Variants in SPTLC2 observed in about 807,000 individuals in gnomAD.
The protein encoded by SPTLC2 is serine palmitoyltransferase long chain base subunit 2, also known as serine palmitoyltransferase 2.
SPTLC2 carries 21 observed loss-of-function variants against 62.0 expected under a neutral mutation model. The ratio of observed to expected loss-of-function variants is 0.34; its 90% confidence interval spans 0.24 to 0.49. SPTLC2 has a LOEUF of 0.49. SPTLC2 is among the 20% of genes least tolerant of loss of function. The probability of loss-of-function intolerance (pLI) is 0.99; values close to 1 mark genes in which losing one functional copy is unlikely to be tolerated. For synonymous variants in SPTLC2, 261 were observed against 261.8 expected (o/e 1.00, Z 0.03); for missense variants, 511 against 713.0 (o/e 0.72, Z 3.23).
intron 5 of SPTLC2, among the ~76,000 whole-genome samples, chr14:77,565,637 G>GTAT (rs1184181605): frequency 6.6e-6 from 1 of 152,128 alleles, no homozygotes; most frequent in Non-Finnish European, 1.5e-5. Flanking sequence ...CCCTTCAGAA[G>GTAT]TATTAAGGTC....
intron 11 of SPTLC2, among the ~76,000 whole-genome samples, chr14:77,515,542 C>CTTTTTTTTT (rs71128633): frequency 3.2e-5 from 4 of 124,716 alleles, no homozygotes; most frequent in Non-Finnish European, 4.8e-5. Context: ...AAGGGAAAGG[C>CTTTTTTTTT]TTTTTTTTTT....
intron 4 of SPTLC2, among the ~76,000 whole-genome samples, chr14:77,575,732 C>A: frequency 6.6e-6 from 1 of 152,300 alleles, no homozygotes; most frequent in African/African-American, 2.4e-5. Flanking sequence ...CAGGTCTCAC[C>A]ATGTTGCTCA....
At chr14:77,594,897 T>C (rs1002940830) in intron 2 of SPTLC2, among the ~76,000 whole-genome samples, 1 of 152,212 alleles carries the variant, frequency 6.6e-6, no homozygotes, top group African/African-American at 2.4e-5. Context: ...CCATCGGTCA[T>C]AACTGCCATC....
Position 77,517,933 on chromosome 14 carries a change from A to C in SPTLC2, c.1569+105T>G, listed in dbSNP as rs141571886. ...GTAGCACTGTCACCCCCTCTGTCTT[A>C]GGTGCTCACAAGAACATCAAGATCA... On this transcript the variant is annotated intron_variant, in intron 11 of 11. Transcript: ENST00000216484. The C allele has an allele frequency of 1.8e-5, 28 of 1,563,206 alleles. No homozygotes were observed. The African/African-American group carries it at 2.6e-4, about 14-fold the overall frequency.
chr14:77,540,881 T>G (rs1368453624), intron 9 of SPTLC2, among the ~76,000 whole-genome samples: 2 of 152,218 alleles, frequency 1.3e-5, no homozygotes, highest in African/African-American at 4.8e-5. Context: ...TAATGCATGT[T>G]TAGTTGCAGA....
At chr14:77,535,331 G>C (rs1321300784) in intron 9 of SPTLC2, among the ~76,000 whole-genome samples, 1 of 152,192 alleles carries the variant, frequency 6.6e-6, no homozygotes, top group Non-Finnish European at 1.5e-5. Context: ...GATAGAGGAA[G>C]TCAACAGACA....
chr14:77,538,462 T>C (rs1276043669), intron 9 of SPTLC2, among the ~76,000 whole-genome samples: 1 of 152,218 alleles, frequency 6.6e-6, no homozygotes, highest in Non-Finnish European at 1.5e-5. Flanking sequence ...AAGACAGTCA[T>C]TTTGGATGTC....
chr14:77,532,816 T>TAAATA (rs1566771256), intron 9 of SPTLC2, among the ~76,000 whole-genome samples: 7 of 147,716 alleles, frequency 4.7e-5, no homozygotes, highest in Admixed American at 3.3e-4. Flanking sequence ...AATAAATAAA[T>TAAATA]AAATAAAATA....
chr14:77,552,259 T>A, intron 8 of SPTLC2, 37 bp from the exon 9 acceptor site: 1 of 1,612,924 alleles, frequency 6.2e-7, no homozygotes, highest in Non-Finnish European at 8.5e-7. Context: ...TAGAGACAAT[T>A]CTTGCATTCA....
intron 5 of SPTLC2, among the ~76,000 whole-genome samples, chr14:77,566,719 C>G (rs919856474): frequency 1.3e-5 from 2 of 152,130 alleles, no homozygotes; most frequent in Non-Finnish European, 2.9e-5. Context: ...CTCGGCCTCC[C>G]AAAGTCCTGG....
Position 77,526,391 on chromosome 14 carries a change from G to A in SPTLC2, c.1304-4810C>T, listed in dbSNP as rs1289241313. ...TTAAGAAGTTTTTATCTTTGGCTCC[G>A]AAAGAACACAGATGGAAATATAAAG... On this transcript the variant is annotated intron_variant, in intron 9 of 11. Transcript: ENST00000216484. 2.6e-5 allele frequency among the ~76,000 whole-genome samples: 4 copies of A among 152,126 alleles called. No individual in the cohort carries two copies. The East Asian group carries it at 5.8e-4, about 22-fold the overall frequency.
chr14:77,610,760 G>C (rs2079931028), intron 1 of SPTLC2, among the ~76,000 whole-genome samples: 1 of 151,902 alleles, frequency 6.6e-6, no homozygotes, highest in African/African-American at 2.4e-5. Context: ...AGACCAGCCT[G>C]GGTGGCTGGG....
chr14:77,557,432 T>C, intron 6 of SPTLC2: 1 of 426,694 alleles, frequency 2.3e-6, no homozygotes, highest in Non-Finnish European at 4.3e-6. Context: ...TCATGTTAAA[T>C]ACCCTGCCAT....
chr14:77,560,235 C>G (rs531430768), intron 6 of SPTLC2, among the ~76,000 whole-genome samples: 114 of 152,224 alleles, frequency 7.5e-4, no homozygotes, highest in African/African-American at 2.6e-3. Flanking sequence ...CATTGTAGCA[C>G]TATTCACAAC....
At chr14:77,605,588 T>C (rs2079900876) in intron 1 of SPTLC2, among the ~76,000 whole-genome samples, 1 of 152,210 alleles carries the variant, frequency 6.6e-6, no homozygotes, top group South Asian at 2.1e-4. Flanking sequence ...CTACTTGTGG[T>C]ACTTGTAGAG....
rs148510077 is a variant in SPTLC2, at chr14:77,533,275, G to A, written c.1304-11694C>T. Among the ~76,000 whole-genome samples, 554 of 147,878 alleles carry A rather than the reference G, an allele frequency of 3.7e-3. 5 individuals are homozygous for A. The highest frequency in any genetic ancestry group is 0.017 in the Admixed American group (249 of 14,700). ...AGACTGTGCCATTGCACTCTAGCATGGGTGACAAGAGCGAAACTCCGTTGC... is the reference window on the plus strand; with the variant it reads ...AGACTGTGCCATTGCACTCTAGCATAGGTGACAAGAGCGAAACTCCGTTGC... On this transcript the variant is annotated intron_variant, in intron 9 of 11. Coordinates refer to ENST00000216484, the MANE Select transcript of SPTLC2 (RefSeq NM_004863.4).
intron 9 of SPTLC2, among the ~76,000 whole-genome samples, chr14:77,528,124 C>T (rs2079418134): frequency 6.6e-6 from 1 of 152,128 alleles, no homozygotes; most frequent in Non-Finnish European, 1.5e-5. Context: ...ATCTGTCTTC[C>T]TGGGGAAAAT....
rs547496798 is a variant in SPTLC2, at chr14:77,568,869, A to T, written c.756+1515T>A. Among the ~76,000 whole-genome samples, 9 of 151,328 alleles carry T rather than the reference A, an allele frequency of 5.9e-5. No individual in the cohort carries two copies. The South Asian group carries it at 1.7e-3, about 28-fold the overall frequency. ...TCTAATTACAATTTTCTATTTGTCT[A>T]CTTCTTTTAGTTTCATCAATTTCTG... On this transcript the variant is annotated intron_variant, in intron 5 of 11. Transcript: ENST00000216484.
chr14:77,568,269 A>G (rs2079657452), intron 5 of SPTLC2, among the ~76,000 whole-genome samples: 1 of 152,128 alleles, frequency 6.6e-6, no homozygotes, highest in South Asian at 2.1e-4. Flanking sequence ...TTTTCCAGAT[A>G]TCTTTGTGTT....
Sources: gnomAD v4.1 joint callset for allele counts (sites outside exome capture counted in the v4.1 genomes callset) on GRCh38, gnomAD v4.1.1 for gene constraint, MANE v1.5 for transcripts, NCBI Gene and HGNC (gene_info 2026-07-23, HGNC 2026-07-21) for gene names.